The following SLC22A4 variants were observed in gnomAD, a reference collection of about 807,000 sequenced individuals.
The protein encoded by SLC22A4 is solute carrier family 22 member 4.
Under a neutral mutation model 56.6 loss-of-function variants are expected in SLC22A4, and 39 were observed. The ratio of observed to expected loss-of-function variants is 0.69; its 90% CI spans 0.53 to 0.90. The LOEUF (loss-of-function observed/expected upper bound fraction) is 0.90, where lower values mean the gene tolerates loss of function less well. SLC22A4 is among the 40% of genes least tolerant of loss of function. The pLI is 0.00. For missense variants in SLC22A4, 594 were observed against 696.5 expected, an observed-to-expected ratio of 0.85 and a Z score of 1.66; for synonymous variants, 241 against 281.4, an observed-to-expected ratio of 0.86 and a Z score of 1.44.
intron 1 of SLC22A4, among the ~76,000 whole-genome samples, chr5:132,297,669 A>G (rs1749810076): frequency 1.3e-5 from 2 of 151,688 alleles, no homozygotes; most frequent in South Asian, 4.2e-4. Flanking sequence ...TAGTTACTAC[A>G]AAAAGAAAAA....
At chr5:132,311,142 GA>G (rs1750169557) in intron 1 of SLC22A4, 1 of 152,322 alleles carries the variant, frequency 6.6e-6, no homozygotes, top group African/African-American at 2.4e-5. Context: ...GATTCAGAAG[GA>G]ATTGTTTGGC....
chr5:132,303,986 A>G (rs1390314155), intron 1 of SLC22A4, among the ~76,000 whole-genome samples: 1 of 152,236 alleles, frequency 6.6e-6, no homozygotes, highest in Non-Finnish European at 1.5e-5. Flanking sequence ...ATTGCTCTCA[A>G]GAACAATGGA....
chr5:132,311,897 G>T (rs13179900), intron 1 of SLC22A4: 2 of 554,090 alleles, frequency 3.6e-6, no homozygotes, highest in South Asian at 2.0e-5. Flanking sequence ...TAATGCGAGC[G>T]GAGTAGGAGC....
chr5:132,325,659 T>C (rs1750667600), intron 4 of SLC22A4, among the ~76,000 whole-genome samples: 1 of 152,222 alleles, frequency 6.6e-6, no homozygotes, highest in Admixed American at 6.5e-5. Flanking sequence ...ATTTGTTGTC[T>C]AGGCTAAGTA....
chr5:132,314,726 T>G (rs1259700164), intron 3 of SLC22A4, among the ~76,000 whole-genome samples: 2 of 152,258 alleles, frequency 1.3e-5, no homozygotes, highest in Non-Finnish European at 2.9e-5. Flanking sequence ...AAGGACTCGT[T>G]GGCTTTGGAG....
chr5:132,299,722 G>T (rs895610990), intron 1 of SLC22A4, among the ~76,000 whole-genome samples: 5 of 152,080 alleles, frequency 3.3e-5, no homozygotes, highest in Non-Finnish European at 7.4e-5. Context: ...CCAAAGTGTT[G>T]GGATTACAGG....
At chr5:132,325,692 T>C (rs191609195) in intron 4 of SLC22A4, among the ~76,000 whole-genome samples, 13 of 152,336 alleles carry the variant, frequency 8.5e-5, no homozygotes, top group Non-Finnish European at 1.6e-4. Context: ...CTTTGACTTA[T>C]AATGGGGTTA....
intron 9 of SLC22A4, among the ~76,000 whole-genome samples, chr5:132,341,116 C>A (rs1384166871): frequency 8.1e-5 from 12 of 148,444 alleles, no homozygotes. Flanking sequence ...AACTCCGTCT[C>A]AAAAAAAATA....
At chr5:132,306,185 G>T (rs1235117877) in intron 1 of SLC22A4, among the ~76,000 whole-genome samples, 1 of 151,446 alleles carries the variant, frequency 6.6e-6, no homozygotes, top group Non-Finnish European at 1.5e-5. Flanking sequence ...TCTGCAAAAG[G>T]TTGAGTATAT....
chr5:132,308,323 G>A (rs989415310), intron 1 of SLC22A4, among the ~76,000 whole-genome samples: 5 of 150,140 alleles, frequency 3.3e-5, no homozygotes, highest in African/African-American at 4.9e-5. Context: ...CACAGAGCCT[G>A]GCCTGGAGCA....
chr5:132,296,072 A>G (rs1289740400), intron 1 of SLC22A4, among the ~76,000 whole-genome samples: 1 of 152,238 alleles, frequency 6.6e-6, no homozygotes. Context: ...AGGGTTCTGG[A>G]ACCCAAATTC....
chr5:132,336,761 CAA>C, intron 8 of SLC22A4, among the ~76,000 whole-genome samples: 1 of 151,864 alleles, frequency 6.6e-6, no homozygotes, highest in Non-Finnish European at 1.5e-5. Flanking sequence ...ATTCCTGGAG[CAA>C]AGAGTGCCGT....
chr5:132,321,614 TTAAAA>T, intron 3 of SLC22A4, among the ~76,000 whole-genome samples: 1 of 152,252 alleles, frequency 6.6e-6, no homozygotes, highest in East Asian at 1.9e-4. Flanking sequence ...TGGAATGGCC[TTAAAA>T]TAAGTTGGCC....
At chr5:132,317,837 T>C (rs1750405987) in intron 3 of SLC22A4, among the ~76,000 whole-genome samples, 1 of 152,234 alleles carries the variant, frequency 6.6e-6, no homozygotes, top group Admixed American at 6.5e-5. Context: ...AATTTGAAGT[T>C]GCCTCAAAAT....
At chr5:132,331,070 G>C (rs1243348744) in intron 5 of SLC22A4, among the ~76,000 whole-genome samples, 1 of 152,068 alleles carries the variant, frequency 6.6e-6, no homozygotes, top group Non-Finnish European at 1.5e-5. Flanking sequence ...AAAAAGCAAG[G>C]CTGGGTAATC....
In SLC22A4 at chr5:132,308,784, C is replaced by T. The variant is rs147881287; in HGVS notation, c.394-3377C>T. The stretch of plus-strand genomic sequence containing the variant: ...GCTGATGGGACAGACATAGTAACCC[C>T]GGGAGGCCCCATCAGAGGGGCAGGG... On this transcript the variant is annotated intron_variant, in intron 1 of 9. Transcript: ENST00000200652. 5.8e-4 allele frequency among the ~76,000 whole-genome samples: 89 copies of T among 152,244 alleles called. 1 individual carries two copies. The East Asian group carries it at 8.5e-3, about 15-fold the overall frequency.
At chr5:132,335,768 A>G (rs1339616336) in intron 7 of SLC22A4, 50 bp from the exon 8 acceptor site, 2 of 1,443,714 alleles carry the variant, frequency 1.4e-6, no homozygotes, top group East Asian at 4.5e-5. Flanking sequence ...CTGATATAAG[A>G]AAGTATCACT....
intron 1 of SLC22A4, among the ~76,000 whole-genome samples, chr5:132,306,248 GA>G (rs924970093): frequency 1.3e-5 from 2 of 151,218 alleles, no homozygotes; most frequent in African/African-American, 4.9e-5. Flanking sequence ...CCAAAGAAAT[GA>G]AAACATGTAC....
intron 8 of SLC22A4, among the ~76,000 whole-genome samples, 165 bp from the exon 9 acceptor site, chr5:132,340,400 C>A (rs1167221627): frequency 6.6e-6 from 1 of 152,144 alleles, no homozygotes; most frequent in Non-Finnish European, 1.5e-5. Context: ...TGCACAATGT[C>A]ATCTGCCAAA....
Sources: gnomAD v4.1 joint callset for allele counts (sites outside exome capture counted in the v4.1 genomes callset) on GRCh38, gnomAD v4.1.1 for gene constraint, MANE v1.5 for transcripts, NCBI Gene and HGNC (gene_info 2026-07-23, HGNC 2026-07-21) for gene names.